The following STK24 variants were observed in gnomAD, a reference collection of about 807,000 sequenced individuals.
The protein encoded by STK24 is serine/threonine-protein kinase 24.
In STK24, 21 loss-of-function variants were observed where a neutral mutation model predicts 55.6. The observed-to-expected ratio is 0.38, with a 90% CI of 0.27 to 0.54. The LOEUF is 0.54. Among genes scored for constraint, STK24 ranks in the 20% least tolerant of loss-of-function variants. STK24 has a pLI of 0.79. For synonymous variants in STK24, 200 were observed against 215.2 expected (o/e 0.93, Z 0.62); for missense variants, 383 against 538.4 (o/e 0.71, Z 2.86).
At chr13:98,461,942 GCT>G in intron 7 of STK24, 45 bp from the exon 8 acceptor site, 2 of 1,605,266 alleles carry the variant, frequency 1.2e-6, no homozygotes, top group Non-Finnish European at 1.7e-6. Flanking sequence ...TCGCACACCT[GCT>G]CTGGGGGCGC....
chr13:98,566,469 T>A (rs1330528892), intron 1 of STK24, among the ~76,000 whole-genome samples: 1 of 152,224 alleles, frequency 6.6e-6, no homozygotes, highest in Non-Finnish European at 1.5e-5. Flanking sequence ...TGATGCTGTT[T>A]TCTAGCCGAG....
rs550872325 is a variant in STK24 at position 98,465,526 on chromosome 13, A to G, written c.783+850T>C. On this transcript the variant is annotated intron_variant, in intron 6 of 10. Transcript: ENST00000539966. Reference sequence around the variant, plus strand: ...GGCATGCAGGACAAGCCCCACCACCACCCGATGCTGATGTAGTCATCAAAC... The same window carrying G: ...GGCATGCAGGACAAGCCCCACCACCGCCCGATGCTGATGTAGTCATCAAAC... 3.3e-5 allele frequency among the ~76,000 whole-genome samples: 5 copies of G among 152,326 alleles called. No individual in the cohort carries two copies. The South Asian group carries it at 1.0e-3, about 32-fold the overall frequency.
At chr13:98,537,998 TG>T (rs773673509) in intron 1 of STK24, among the ~76,000 whole-genome samples, 2 of 151,894 alleles carry the variant, frequency 1.3e-5, no homozygotes, top group Admixed American at 6.6e-5. Flanking sequence ...GAGGTCAGAG[TG>T]GGCAGGGCCT....
At position 98,555,681 on chromosome 13, in the gene STK24, C is replaced by CTT. The variant is rs371915680; in HGVS notation, c.42+21062_42+21063dup. On this transcript the variant is annotated intron_variant, in intron 1 of 10. Coordinates refer to ENST00000539966, the MANE Select transcript of STK24 (RefSeq NM_001032296.4). ...GTCCTACACATATCAGCCTCCCTGT[C>CTT]TTTTTTTTTTTTTTTTTGAGATGGA... Among the ~76,000 whole-genome samples the CTT allele has an allele frequency of 9.1e-3, 1,171 of 129,236 alleles. 33 individuals carry two copies. Among genetic ancestry groups the CTT allele is most frequent in the African/African-American group, 0.027 (946 of 34,494 alleles). 84.8% of individuals were successfully genotyped at this position (129,236 alleles called of 152,430 possible).
intron 1 of STK24, among the ~76,000 whole-genome samples, chr13:98,543,194 A>C (rs75725427): frequency 0.011 from 1,632 of 152,112 alleles, 23 homozygotes; most frequent in African/African-American, 0.036. Flanking sequence ...TTTTTTCCCC[A>C]AAAAAAGAGA....
intron 2 of STK24, among the ~76,000 whole-genome samples, chr13:98,511,868 A>T (rs1395042739): frequency 1.3e-5 from 2 of 151,564 alleles, no homozygotes; most frequent in Admixed American, 6.6e-5. Context: ...TACAACACAT[A>T]GGACTATACA....
At chr13:98,576,654 G>A in intron 1 of STK24, 91 bp downstream of exon 1, 1 of 1,173,858 alleles carries the variant, frequency 8.5e-7, no homozygotes, top group South Asian at 1.5e-5. Flanking sequence ...ACCCCGGCCG[G>A]CTGAGCGTAG....
At chr13:98,475,432 C>A in intron 3 of STK24, 74 bp from the exon 4 acceptor site, 1 of 1,048,802 alleles carries the variant, frequency 9.5e-7, no homozygotes, top group South Asian at 1.5e-5. Context: ...AACAGAAACA[C>A]TATCCATGTT....
At position 98,448,116 on chromosome 13, in the gene STK24, A is replaced by C; in HGVS notation, c.*5057T>G. The C allele has an allele frequency of 1.3e-6, 1 of 793,672 alleles. No individual in the cohort carries two copies. Among genetic ancestry groups the C allele is most frequent in the Non-Finnish European group, 2.2e-6 (1 of 455,794 alleles). 49.2% of individuals were successfully genotyped at this position (793,672 alleles called of 1,614,324 possible). ...GGCTGTTCCCTTGCTCTTCTGCTGA[A>C]GTGGCAGATTACCAACCAGGCGGCC... On this transcript the variant is annotated 3_prime_UTR_variant, in exon 11 of 11. Coordinates refer to ENST00000539966, the MANE Select transcript of STK24 (RefSeq NM_001032296.4).
At chr13:98,487,561 T>C (rs754857058) in intron 2 of STK24, among the ~76,000 whole-genome samples, 5 of 151,900 alleles carry the variant, frequency 3.3e-5, no homozygotes, top group African/African-American at 4.8e-5. Flanking sequence ...CAGAGAAAAA[T>C]AGTTATGCAC....
chr13:98,455,956 A>G (rs1893435969), intron 10 of STK24: 1 of 152,368 alleles, frequency 6.6e-6, no homozygotes. Context: ...TGAGAAATCA[A>G]AAAGTTTGTG....
chr13:98,474,716 G>A (rs1894297594), intron 5 of STK24, 105 bp downstream of exon 5: 1 of 1,413,848 alleles, frequency 7.1e-7, no homozygotes, highest in Non-Finnish European at 9.6e-7. Flanking sequence ...CCTACCTCAA[G>A]GTACCAGCTT....
At position 98,446,052 on chromosome 13, in the gene STK24, G is replaced by A. The variant is rs749313412; in HGVS notation, c.*7121C>T. 7.5e-7 allele frequency: 1 copy of A among 1,331,152 alleles called. No individual in the cohort carries two copies. Among genetic ancestry groups the A allele is most frequent in the South Asian group, 1.2e-5 (1 of 83,908 alleles). The allele number at this position is 1,331,152 out of a possible 1,614,324, so 82.5% of individuals were successfully genotyped here. On this transcript the variant is annotated 3_prime_UTR_variant, in exon 11 of 11. Coordinates refer to ENST00000539966, the MANE Select transcript of STK24 (RefSeq NM_001032296.4). ...GGAGAGCTGCTCTCTGTGCCCTCCT[G>A]GGGCAGGTGCCCGCTGTGCTTCTCA...
chr13:98,504,222 T>C (rs373931558), intron 2 of STK24, among the ~76,000 whole-genome samples: 3 of 152,252 alleles, frequency 2.0e-5, no homozygotes, highest in African/African-American at 7.2e-5. Flanking sequence ...AAACAAACTT[T>C]AAAACAACAA....
chr13:98,563,885 T>G (rs1201248493), intron 1 of STK24, among the ~76,000 whole-genome samples: 6 of 151,356 alleles, frequency 4.0e-5, no homozygotes, highest in Non-Finnish European at 8.8e-5. Flanking sequence ...AGTTTCCAAT[T>G]CCTCATGTAA....
intron 1 of STK24, among the ~76,000 whole-genome samples, chr13:98,569,354 C>T (rs1019827018): frequency 6.6e-5 from 10 of 150,630 alleles, no homozygotes; most frequent in East Asian, 1.9e-4. Flanking sequence ...CAGAAAATGG[C>T]GCACTATATG....
chr13:98,505,882 G>A (rs903032240), intron 2 of STK24, among the ~76,000 whole-genome samples: 1 of 152,142 alleles, frequency 6.6e-6, no homozygotes, highest in Non-Finnish European at 1.5e-5. Context: ...ACAGAAATGT[G>A]AATAATGGAA....
At chr13:98,470,812 TTA>T (rs1894116216) in intron 5 of STK24, among the ~76,000 whole-genome samples, 1 of 152,230 alleles carries the variant, frequency 6.6e-6, no homozygotes, top group South Asian at 2.1e-4. Context: ...GTGATTTTAA[TTA>T]TATAGAGAAA....
At chr13:98,490,830 TA>T (rs141888833) in intron 2 of STK24, among the ~76,000 whole-genome samples, 6,700 of 134,690 alleles carry the variant, frequency 0.05, 332 homozygotes, top group African/African-American at 0.14. Flanking sequence ...CAGCCTACAT[TA>T]AAAAAAAAAA....
Sources: allele counts gnomAD v4.1 joint callset (sites outside exome capture counted in the v4.1 genomes callset), GRCh38; gene constraint gnomAD v4.1.1; transcripts MANE v1.5; gene names NCBI Gene and HGNC (gene_info 2026-07-23, HGNC 2026-07-21).